KCNIP4: variants seen among roughly 807,000 people sequenced by gnomAD.
The protein encoded by KCNIP4 is potassium voltage-gated channel interacting protein 4.
In KCNIP4, 12 loss-of-function variants were observed where a neutral mutation model predicts 34.0. The observed-to-expected ratio is 0.35, with a 90% CI of 0.23 to 0.57. The LOEUF is 0.57. KCNIP4 is among the 20% of genes least tolerant of loss of function. The probability of loss-of-function intolerance (pLI) is 0.83; values close to 1 mark genes in which losing one functional copy is unlikely to be tolerated. For synonymous variants in KCNIP4, 124 were observed against 102.2 expected, an observed-to-expected ratio of 1.21 and a Z score of -1.29; for missense variants, 238 against 311.7, an observed-to-expected ratio of 0.76 and a Z score of 1.78.
At chr4:21,683,495 T>C (rs576177706) in intron 1 of KCNIP4, among the ~76,000 whole-genome samples, 176 of 546 alleles carry the variant, frequency 0.32, 20 homozygotes, top group African/African-American at 0.47. Flanking sequence ...TGAGACAGAG[T>C]CTCACTCTGT....
At chr4:21,316,584 A>C (rs892969780) in intron 1 of KCNIP4, 1 of 152,218 alleles carries the variant, frequency 6.6e-6, no homozygotes, top group Non-Finnish European at 1.5e-5. Flanking sequence ...GCGCATGAAA[A>C]GTGAGACCAC....
At chr4:21,939,853 A>T (rs1730100442) in intron 1 of KCNIP4, among the ~76,000 whole-genome samples, 1 of 152,206 alleles carries the variant, frequency 6.6e-6, no homozygotes. Flanking sequence ...AGTGCTTGAA[A>T]TATTAGATGA....
chr4:21,237,268 G>A (rs1759435455), intron 1 of KCNIP4, among the ~76,000 whole-genome samples: 1 of 152,134 alleles, frequency 6.6e-6, no homozygotes, highest in East Asian at 1.9e-4. Context: ...GTTAGACAAG[G>A]TGCTTGTCTC....
chr4:21,684,553 T>A (rs2109029982), intron 1 of KCNIP4, among the ~76,000 whole-genome samples: 1 of 152,324 alleles, frequency 6.6e-6, no homozygotes, highest in African/African-American at 2.4e-5. Context: ...TATTGGCTTG[T>A]GAAGTAACTA....
intron 1 of KCNIP4, among the ~76,000 whole-genome samples, chr4:21,641,635 T>C (rs555311077): frequency 7.2e-5 from 11 of 152,290 alleles, no homozygotes; most frequent in Admixed American, 5.2e-4. Context: ...TTGTGTGCCA[T>C]GTGAATGCTA....
intron 1 of KCNIP4, among the ~76,000 whole-genome samples, chr4:21,639,855 C>T (rs928406906): frequency 6.6e-6 from 1 of 151,974 alleles, no homozygotes; most frequent in Non-Finnish European, 1.5e-5. Flanking sequence ...ATTTGGGGAC[C>T]CACTGGACCC....
intron 1 of KCNIP4, among the ~76,000 whole-genome samples, chr4:21,216,493 C>G (rs942783980): frequency 3.3e-5 from 5 of 152,166 alleles, no homozygotes. Flanking sequence ...AGGTACTATA[C>G]TAGTATTTGT....
chr4:20,891,605 AAAAAC>A (rs1485153757), intron 1 of KCNIP4, among the ~76,000 whole-genome samples: 27 of 152,130 alleles, frequency 1.8e-4, no homozygotes, highest in African/African-American at 5.8e-4. Context: ...CTCCGTCTCA[AAAAAC>A]AAAACAAAAC....
intron 1 of KCNIP4, among the ~76,000 whole-genome samples, chr4:21,506,957 T>C (rs919944707): frequency 6.6e-6 from 1 of 151,650 alleles, no homozygotes; most frequent in African/African-American, 2.4e-5. Flanking sequence ...ACATCCGTCT[T>C]TTTTTGTGTG....
At chr4:21,044,003 T>C (rs1742197366) in intron 1 of KCNIP4, among the ~76,000 whole-genome samples, 1 of 152,120 alleles carries the variant, frequency 6.6e-6, no homozygotes, top group Non-Finnish European at 1.5e-5. Flanking sequence ...TTACAGCCCA[T>C]GTCATAATTC....
intron 1 of KCNIP4, among the ~76,000 whole-genome samples, chr4:21,434,635 G>T (rs1004312754): frequency 6.6e-6 from 1 of 151,874 alleles, no homozygotes; most frequent in Non-Finnish European, 1.5e-5. Context: ...ATTCTCACAG[G>T]AGCATGAACC....
At chr4:21,376,208 A>G (rs1475599625) in intron 1 of KCNIP4, among the ~76,000 whole-genome samples, 1 of 152,228 alleles carries the variant, frequency 6.6e-6, no homozygotes, top group African/African-American at 2.4e-5. Context: ...AGGAATTTAA[A>G]AAGATAACAC....
intron 1 of KCNIP4, among the ~76,000 whole-genome samples, chr4:21,674,921 ATT>A (rs1749774343): frequency 2.0e-5 from 3 of 152,156 alleles, no homozygotes; most frequent in Admixed American, 6.5e-5. Flanking sequence ...TTCTTATAAA[ATT>A]ACTGTTTTTC....
chr4:20,978,449 C>A (rs1007063772), intron 1 of KCNIP4, among the ~76,000 whole-genome samples: 1 of 152,176 alleles, frequency 6.6e-6, no homozygotes, highest in Non-Finnish European at 1.5e-5. Flanking sequence ...TGCTAAACAG[C>A]AAGGATAACT....
rs185543876 is a variant in KCNIP4, at chr4:21,036,865, T to C, written c.62-154156A>G. On this transcript the variant is annotated intron_variant, in intron 1 of 8. Transcript: ENST00000382152. ...TGATGATGGTCCCATAAGATTATAA[T>C]TAAACTAAAAATTTATACCACCTTA... Among the ~76,000 whole-genome samples, 14 of 152,372 alleles carry C rather than the reference T, an allele frequency of 9.2e-5. No homozygotes were observed. The East Asian group carries it at 2.5e-3, about 27-fold the overall frequency.
rs1491177549 is a variant in KCNIP4 at position 20,825,226 on chromosome 4, T to TTG, written c.288+25316_288+25317insCA. 3.9e-3 allele frequency among the ~76,000 whole-genome samples: 34 copies of TTG among 8,734 alleles called. No homozygotes were observed. In the South Asian group the frequency reaches 0.15, roughly 40 times the overall value. The allele number at this position is 8,734 out of a possible 152,430, so 5.7% of individuals were successfully genotyped here. On this transcript the variant is annotated intron_variant, in intron 3 of 8. Coordinates refer to ENST00000382152, the MANE Select transcript of KCNIP4 (RefSeq NM_025221.6). Reference sequence around the variant, plus strand: ...AAGGATTGACCTGGTCAATTTTACGTTTTTTTTTTTTTTTTTTTTTTTTGT... The same window carrying TTG: ...AAGGATTGACCTGGTCAATTTTACGTTGTTTTTTTTTTTTTTTTTTTTTTTGT...
At position 20,748,894 on chromosome 4, in the gene KCNIP4, G is replaced by GTATA. The variant is rs57841958; in HGVS notation, c.429+764_429+767dup. 8.8e-4 allele frequency among the ~76,000 whole-genome samples: 128 copies of GTATA among 145,244 alleles called. 1 individual carries two copies. Among genetic ancestry groups the GTATA allele is most frequent in the Admixed American group, 3.3e-3 (47 of 14,280 alleles). On this transcript the variant is annotated intron_variant, in intron 5 of 8. Transcript: ENST00000382152. ...CGTGTGTGTGTGTATGTGTGTGTGT[G>GTATA]TATATATATATATATATATATATGA...
At chr4:21,818,300 C>T (rs999131826) in intron 1 of KCNIP4, among the ~76,000 whole-genome samples, 2 of 152,222 alleles carry the variant, frequency 1.3e-5, no homozygotes, top group Non-Finnish European at 2.9e-5. Flanking sequence ...AGCATCAACC[C>T]CTGTTCTGAA....
At chr4:21,419,141 T>C (rs941869211) in intron 1 of KCNIP4, among the ~76,000 whole-genome samples, 2 of 152,220 alleles carry the variant, frequency 1.3e-5, no homozygotes, top group African/African-American at 4.8e-5. Flanking sequence ...TGCCATATTA[T>C]ATTTTCCTGT....
Sources: gnomAD v4.1 joint callset for allele counts (sites outside exome capture counted in the v4.1 genomes callset) on GRCh38, gnomAD v4.1.1 for gene constraint, MANE v1.5 for transcripts, NCBI Gene and HGNC (gene_info 2026-07-23, HGNC 2026-07-21) for gene names.